C1GALT1: variants seen among roughly 807,000 people sequenced by gnomAD.
C1GALT1 encodes the protein core 1 synthase, glycoprotein-N-acetylgalactosamine 3-beta-galactosyltransferase 1, also known as glycoprotein-N-acetylgalactosamine 3-beta-galactosyltransferase 1.
A neutral mutation model predicts 31.0 loss-of-function variants in C1GALT1; 11 were observed. The observed-to-expected ratio is 0.36, with a 90% confidence interval of 0.22 to 0.59. The LOEUF (loss-of-function observed/expected upper bound fraction) is 0.59, where lower values mean the gene tolerates loss of function less well. Ranked by LOEUF, C1GALT1 falls within the 20% of genes least tolerant of loss-of-function variation. The pLI is 0.79. For missense variants in C1GALT1, 424 were observed against 425.2 expected (o/e 1.00, Z 0.03); for synonymous variants, 175 against 143.6 (o/e 1.22, Z -1.56).
intron 1 of C1GALT1, among the ~76,000 whole-genome samples, chr7:7,205,258 C>G (rs1781690867): frequency 6.6e-6 from 1 of 152,098 alleles, no homozygotes; most frequent in Non-Finnish European, 1.5e-5. Context: ...GCTATCCCCC[C>G]CACGGAAATC....
At chr7:7,173,213 T>C (rs1780472781) in intron 2 of C1GALT1, among the ~76,000 whole-genome samples, 1 of 151,996 alleles carries the variant, frequency 6.6e-6, no homozygotes, top group South Asian at 2.1e-4. Context: ...CTGGTTCACA[T>C]GAGATCTGGT....
At chr7:7,241,109 A>ATACC (rs147259534) in intron 3 of C1GALT1, among the ~76,000 whole-genome samples, 490 of 151,860 alleles carry the variant, frequency 3.2e-3, no homozygotes, top group Non-Finnish European at 5.3e-3. Flanking sequence ...TTACATATAT[A>ATACC]TCTCTCTACA....
intron 1 of C1GALT1, among the ~76,000 whole-genome samples, chr7:7,201,238 C>T (rs960169541): frequency 2.6e-5 from 4 of 152,184 alleles, no homozygotes; most frequent in African/African-American, 9.7e-5. Flanking sequence ...GGACCCTCAG[C>T]CGCAGGTCTG....
At chr7:7,218,903 G>A (rs920729645) in intron 1 of C1GALT1, among the ~76,000 whole-genome samples, 3 of 149,936 alleles carry the variant, frequency 2.0e-5, no homozygotes, top group African/African-American at 5.0e-5. Context: ...GTGCAATCTC[G>A]GCTCACTGCA....
At chr7:7,227,647 G>A (rs1029350643) in intron 1 of C1GALT1, among the ~76,000 whole-genome samples, 3 of 150,934 alleles carry the variant, frequency 2.0e-5, no homozygotes, top group Non-Finnish European at 4.4e-5. Context: ...GTGAACCCGG[G>A]AGGCGGAGCT....
chr7:7,177,991 T>G (rs911858295), upstream of C1GALT1: 2 of 220,146 alleles, frequency 9.1e-6, no homozygotes, highest in African/African-American at 2.3e-5. Flanking sequence ...CACTGAAAGA[T>G]AAGTACCTGG....
chr7:7,215,112 G>T (rs560640349), intron 1 of C1GALT1, among the ~76,000 whole-genome samples: 1 of 152,146 alleles, frequency 6.6e-6, no homozygotes, highest in Admixed American at 6.5e-5. Flanking sequence ...ATTGCCACGC[G>T]GTTACAGATC....
chr7:7,182,707 C>A lies in C1GALT1; in HGVS notation c.-131C>A. The A allele has an allele frequency of 1.3e-6, 1 of 747,422 alleles. No homozygotes were observed. Among genetic ancestry groups the A allele is most frequent in the Non-Finnish European group, 1.6e-6 (1 of 612,458 alleles). 46.3% of individuals were successfully genotyped at this position (747,422 alleles called of 1,614,324 possible). A position where few individuals can be genotyped will look rare whatever the true frequency, so the allele number is the denominator to read the frequency against. ...TCTGGGCGGCAGCGGGCGGCCTCGG[C>A]TAGCGGCCACGAGCCACTTCTGCGG... On this transcript the variant is annotated 5_prime_UTR_variant, in exon 1 of 4. Coordinates refer to ENST00000436587, the MANE Select transcript of C1GALT1 (RefSeq NM_020156.5).
At chr7:7,210,071 C>T (rs1234856740) in intron 1 of C1GALT1, among the ~76,000 whole-genome samples, 1 of 152,066 alleles carries the variant, frequency 6.6e-6, no homozygotes, top group Non-Finnish European at 1.5e-5. Flanking sequence ...TGTGATTTTT[C>T]AGTTACTTCA....
At chr7:7,173,815 A>G (rs1267713521) in intron 2 of C1GALT1, among the ~76,000 whole-genome samples, 2 of 152,176 alleles carry the variant, frequency 1.3e-5, no homozygotes, top group African/African-American at 4.8e-5. Context: ...AGACAGGAGG[A>G]TCACTTAAGC....
chr7:7,218,744 A>C (rs572111450), intron 1 of C1GALT1, among the ~76,000 whole-genome samples: 79 of 152,312 alleles, frequency 5.2e-4, no homozygotes, highest in African/African-American at 1.5e-3. Flanking sequence ...TAACATTTGG[A>C]AAGGTCCATT....
chr7:7,227,767 A>G (rs565068494), intron 1 of C1GALT1, among the ~76,000 whole-genome samples: 33 of 151,620 alleles, frequency 2.2e-4, no homozygotes, highest in African/African-American at 8.0e-4. Context: ...CTAACACGTT[A>G]GCATGCGTAT....
At chr7:7,226,098 C>T (rs1268787439) in intron 1 of C1GALT1, among the ~76,000 whole-genome samples, 2 of 151,880 alleles carry the variant, frequency 1.3e-5, no homozygotes, top group African/African-American at 4.8e-5. Context: ...TTGCTGTGAG[C>T]ATCAGAAAAA....
chr7:7,162,384 C>T lies in C1GALT1; in HGVS notation c.-18+4958C>T, dbSNP rs879672256. Among the ~76,000 whole-genome samples the T allele has an allele frequency of 8.7e-5, 13 of 149,130 alleles. No homozygotes were observed. The East Asian group carries it at 1.2e-3, about 14-fold the overall frequency. On this transcript the variant is annotated intron_variant, in intron 2 of 3. Coordinates refer to the C1GALT1 transcript ENST00000429911. ...TGTGGTGTTTGGTTTTTTGTCCTTG[C>T]GATAGTTTACTGAGAATGATGATTT... is the stretch of plus-strand genomic sequence containing the variant.
At chr7:7,216,871 C>G (rs1316255269) in intron 1 of C1GALT1, among the ~76,000 whole-genome samples, 1 of 152,148 alleles carries the variant, frequency 6.6e-6, no homozygotes, top group Admixed American at 6.5e-5. Flanking sequence ...CCATGTGCTT[C>G]CCAGAGAAAC....
At chr7:7,193,689 A>G (rs1368921075) in intron 1 of C1GALT1, among the ~76,000 whole-genome samples, 2 of 151,876 alleles carry the variant, frequency 1.3e-5, no homozygotes, top group Non-Finnish European at 2.9e-5. Flanking sequence ...GAATTTTAGG[A>G]TTGTTCTCCC....
chr7:7,192,701 C>G (rs2128232420), intron 1 of C1GALT1, among the ~76,000 whole-genome samples: 1 of 152,152 alleles, frequency 6.6e-6, no homozygotes, highest in East Asian at 1.9e-4. Flanking sequence ...AATGTTAGAT[C>G]TACTTTTGGT....
intron 2 of C1GALT1, among the ~76,000 whole-genome samples, chr7:7,175,171 G>T (rs932742735): frequency 3.9e-5 from 6 of 152,158 alleles, no homozygotes; most frequent in Non-Finnish European, 7.4e-5. Context: ...TTTATTTGAT[G>T]CCTGTCTCAA....
At chr7:7,162,388 A>C (rs2128226493) in intron 2 of C1GALT1, among the ~76,000 whole-genome samples, 2 of 150,576 alleles carry the variant, frequency 1.3e-5, no homozygotes, top group Middle Eastern at 6.8e-3. Context: ...TCCTTGCGAT[A>C]GTTTACTGAG....
Sources: gnomAD v4.1 joint callset for allele counts (sites outside exome capture counted in the v4.1 genomes callset) on GRCh38, gnomAD v4.1.1 for gene constraint, MANE v1.5 for transcripts, NCBI Gene and HGNC (gene_info 2026-07-23, HGNC 2026-07-21) for gene names.